ITGAM: variants seen among roughly 807,000 people sequenced by gnomAD.
ITGAM encodes integrin alpha-M.
In ITGAM, 79 loss-of-function variants were observed where a neutral mutation model predicts 137.5. The ratio of observed to expected loss-of-function variants is 0.57; its 90% confidence interval spans 0.48 to 0.69. ITGAM has a LOEUF of 0.69. Among genes scored for constraint, ITGAM ranks in the 30% least tolerant of loss-of-function variants. The pLI is 0.00. For synonymous variants in ITGAM, 583 were observed against 592.3 expected (o/e 0.98, Z 0.23); for missense variants, 1,343 against 1,483.5 (o/e 0.91, Z 1.56).
At chr16:31,292,753 G>A (rs2144364769) in intron 12 of ITGAM, among the ~76,000 whole-genome samples, 1 of 152,270 alleles carries the variant, frequency 6.6e-6, no homozygotes, top group South Asian at 2.1e-4. Flanking sequence ...ATGGTAGGAT[G>A]ATATATATTA....
chr16:31,298,987 T>A (rs1417296996), intron 14 of ITGAM, among the ~76,000 whole-genome samples: 1 of 152,204 alleles, frequency 6.6e-6, no homozygotes, highest in Non-Finnish European at 1.5e-5. Context: ...CCTGTTCATA[T>A]TCTTTCCCAC....
intron 14 of ITGAM, among the ~76,000 whole-genome samples, chr16:31,299,280 A>G (rs987941591): frequency 6.6e-6 from 1 of 152,030 alleles, no homozygotes; most frequent in Non-Finnish European, 1.5e-5. Flanking sequence ...CCACCATTAT[A>G]TTCTTTGCTT....
chr16:31,316,997 G>C (rs564153837), intron 14 of ITGAM, among the ~76,000 whole-genome samples: 1 of 152,048 alleles, frequency 6.6e-6, no homozygotes, highest in Non-Finnish European at 1.5e-5. Context: ...TTTTCGTAGA[G>C]TATTTATAAC....
intron 14 of ITGAM, among the ~76,000 whole-genome samples, chr16:31,318,910 T>C (rs1384004572): frequency 6.6e-6 from 1 of 152,198 alleles, no homozygotes; most frequent in African/African-American, 2.4e-5. Context: ...TGGTATATTG[T>C]GTTTTTGTTT....
At chr16:31,263,665 C>CTTTTTTTTTTTTT (rs74413197) in intron 2 of ITGAM, among the ~76,000 whole-genome samples, 1 of 125,874 alleles carries the variant, frequency 7.9e-6, no homozygotes, top group Non-Finnish European at 1.7e-5. Context: ...ATTTTTCTTT[C>CTTTTTTTTTTTTT]TTTTTTTTTT....
At chr16:31,272,136 C>A in intron 7 of ITGAM, 144 bp downstream of exon 7, 1 of 915,064 alleles carries the variant, frequency 1.1e-6, no homozygotes, top group South Asian at 1.6e-5. Context: ...GTGGTGTGTT[C>A]ATCAAAGGAC....
intron 14 of ITGAM, among the ~76,000 whole-genome samples, chr16:31,299,971 A>C (rs2080181576): frequency 6.6e-6 from 1 of 150,936 alleles, no homozygotes; most frequent in South Asian, 2.1e-4. Context: ...CGACCCTCCC[A>C]CCTCAGTCTC....
intron 23 of ITGAM, 63 bp downstream of exon 23, chr16:31,328,293 T>G: frequency 8.0e-7 from 1 of 1,248,920 alleles, no homozygotes. Context: ...TGATTGTGCA[T>G]CTGTGTGCAT....
chr16:31,289,893 C>T (rs1258889783), intron 12 of ITGAM, among the ~76,000 whole-genome samples: 3 of 151,934 alleles, frequency 2.0e-5, no homozygotes, highest in Non-Finnish European at 2.9e-5. Flanking sequence ...ATCAGCCTGA[C>T]CAACATGGAG....
intron 14 of ITGAM, among the ~76,000 whole-genome samples, chr16:31,316,007 A>T (rs1379753734): frequency 7.7e-6 from 1 of 129,122 alleles, no homozygotes; most frequent in African/African-American, 3.0e-5. Context: ...GTCATGGCTA[A>T]CAAGGTGAAA....
At chr16:31,267,099 C>T (rs2079778165) in intron 5 of ITGAM, among the ~76,000 whole-genome samples, 1 of 152,118 alleles carries the variant, frequency 6.6e-6, no homozygotes, top group Admixed American at 6.6e-5. Context: ...AACTCCTGAG[C>T]TCTGGTGATC....
intron 6 of ITGAM, among the ~76,000 whole-genome samples, chr16:31,271,478 G>T (rs745492794): frequency 6.6e-6 from 1 of 152,168 alleles, no homozygotes; most frequent in Non-Finnish European, 1.5e-5. Flanking sequence ...TCAGCCTCCC[G>T]AGTAGCGGGG....
At chr16:31,265,372 TC>T in intron 2 of ITGAM, 22 bp from the exon 3 acceptor site, 1 of 1,453,916 alleles carries the variant, frequency 6.9e-7, no homozygotes, top group Non-Finnish European at 9.4e-7. Flanking sequence ...CGAAGTTTTC[TC>T]TGTTCCCACT....
intron 12 of ITGAM, among the ~76,000 whole-genome samples, chr16:31,281,667 C>T (rs1190921299): frequency 6.6e-6 from 1 of 152,116 alleles, no homozygotes; most frequent in African/African-American, 2.4e-5. Flanking sequence ...TTTCAGAAAA[C>T]CAGCTCCTGG....
intron 12 of ITGAM, among the ~76,000 whole-genome samples, chr16:31,279,855 G>A (rs1341455731): frequency 6.6e-6 from 1 of 152,062 alleles, no homozygotes; most frequent in African/African-American, 2.4e-5. Context: ...TTCCTTCTAG[G>A]GTTTTTATGG....
At chr16:31,302,492 TTCCTTC>T (rs1487277595) in intron 14 of ITGAM, among the ~76,000 whole-genome samples, 1 of 142,554 alleles carries the variant, frequency 7.0e-6, no homozygotes, top group African/African-American at 2.9e-5. Context: ...TCTTTTTTCT[TTCCTTC>T]TTTCTTTCTT....
At chr16:31,327,943 G>A in intron 22 of ITGAM, 1 of 574,632 alleles carries the variant, frequency 1.7e-6, no homozygotes, top group East Asian at 2.9e-5. Context: ...CAGGGGACCA[G>A]TTAGAAGAAG....
At chr16:31,271,407 C>T (rs2079838315) in intron 6 of ITGAM, among the ~76,000 whole-genome samples, 1 of 152,202 alleles carries the variant, frequency 6.6e-6, no homozygotes, top group Non-Finnish European at 1.5e-5. Context: ...GGCTGGAGTG[C>T]AGTGGTGTGA....
chr16:31,271,480 G>A (rs1186011368), intron 6 of ITGAM, among the ~76,000 whole-genome samples: 1 of 152,228 alleles, frequency 6.6e-6, no homozygotes, highest in South Asian at 2.1e-4. Context: ...AGCCTCCCGA[G>A]TAGCGGGGAT....
Sources: gnomAD v4.1 joint callset for allele counts (sites outside exome capture counted in the v4.1 genomes callset) on GRCh38, gnomAD v4.1.1 for gene constraint, MANE v1.5 for transcripts, NCBI Gene and HGNC (gene_info 2026-07-23, HGNC 2026-07-21) for gene names.